CAMK2D: variants seen among roughly 807,000 people sequenced by gnomAD.
CAMK2D encodes calcium/calmodulin-dependent protein kinase type II subunit delta.
A neutral mutation model predicts 84.0 loss-of-function variants in CAMK2D; 37 were observed. That is an observed-to-expected ratio of 0.44 (90% CI 0.34 to 0.58). The LOEUF is 0.58. CAMK2D is among the 20% of genes least tolerant of loss of function. The pLI is 0.02. For missense variants in CAMK2D, 448 were observed against 652.5 expected (o/e 0.69, Z 3.41); for synonymous variants, 202 against 212.5 (o/e 0.95, Z 0.43).
At position 113,609,191 on chromosome 4, in the gene CAMK2D, C is replaced by T; in HGVS notation, c.236G>A (p.Ser79Asn). 6.3e-7 allele frequency: 1 copy of T among 1,581,884 alleles called. No individual in the cohort carries two copies. Among genetic ancestry groups the T allele is most frequent in the African/African-American group, 1.3e-5 (1 of 74,362 alleles). Residue 79 changes from serine to asparagine, a missense_variant, in exon 4 of 21, where the codon AGC becomes AAC. By Grantham distance (46) the Ser-to-Asn change is conservative. Transcript: ENST00000511664. ...GTAGTGAAAGCCCTCTTCTGATATGCTATCATGAAGTCGCACTAGAAAAAA... is the reference window on the plus strand; with the variant it reads ...GTAGTGAAAGCCCTCTTCTGATATGTTATCATGAAGTCGCACTAGAAAAAA... ...KHPNIVRLHD[S>N]ISEEGFHYLV...
intron 16 of CAMK2D, among the ~76,000 whole-genome samples, chr4:113,484,384 T>G (rs941667027): frequency 1.3e-5 from 2 of 152,210 alleles, no homozygotes; most frequent in African/African-American, 4.8e-5. Context: ...TGATCTTCTC[T>G]GAAAGGAGGC....
chr4:113,686,770 A>G (rs1375230869), intron 2 of CAMK2D, among the ~76,000 whole-genome samples: 2 of 152,152 alleles, frequency 1.3e-5, no homozygotes, highest in Non-Finnish European at 2.9e-5. Context: ...TCTCATCCAT[A>G]GTGATTAGTG....
At chr4:113,555,767 C>T (rs1220587932) in intron 4 of CAMK2D, among the ~76,000 whole-genome samples, 1 of 152,064 alleles carries the variant, frequency 6.6e-6, no homozygotes, top group Non-Finnish European at 1.5e-5. Flanking sequence ...GTGCAACTAC[C>T]TGGATATCTG....
chr4:113,635,979 C>T lies in CAMK2D; in HGVS notation c.220+25734G>A, dbSNP rs189373496. On this transcript the variant is annotated intron_variant, in intron 3 of 20. Coordinates refer to ENST00000511664, the MANE Select transcript of CAMK2D (RefSeq NM_001321571.2). ...ACTGGTTATCAAATATTTTAAATAA[C>T]ATTCCTGTTGCATGCTGTCAACTTC... Among the ~76,000 whole-genome samples, 161 of 152,332 alleles carry T rather than the reference C, an allele frequency of 1.1e-3. 2 individuals are homozygous for T. The highest frequency in any genetic ancestry group is 3.5e-3 in the African/African-American group (145 of 41,572).
intron 2 of CAMK2D, among the ~76,000 whole-genome samples, chr4:113,738,523 T>G (rs981453838): frequency 6.6e-6 from 1 of 152,042 alleles, no homozygotes; most frequent in Non-Finnish European, 1.5e-5. Context: ...AATGAGTGAA[T>G]GCAAAAAAAT....
At position 113,505,018 on chromosome 4, in the gene CAMK2D, G is replaced by T; in HGVS notation, c.1002C>A (p.Asn334Lys). 1 of 1,581,192 alleles carries T rather than the reference G, an allele frequency of 6.3e-7. No homozygotes were observed. The change falls in exon 14 of 21, where the codon AAC becomes AAA. Residue 334 changes from asparagine to lysine, a missense_variant. Around this residue, in one of 7 missense-constraint regions of CAMK2D, gnomAD observed 219 missense variants for 272.1 expected, o/e 0.80. Transcript: ENST00000511664. ...TATTTTCTTTGGGGCTGGTTACCACGTTGGCTTTGTTGTTTATCTGTGGGT... is the reference window on the plus strand; with the variant it reads ...TATTTTCTTTGGGGCTGGTTACCACTTTGGCTTTGTTGTTTATCTGTGGGT... ...PDGVKINNKA[N>K]VVTSPKENIP...
At chr4:113,636,063 G>A (rs376976818) in intron 3 of CAMK2D, among the ~76,000 whole-genome samples, 2 of 152,088 alleles carry the variant, frequency 1.3e-5, no homozygotes, top group Non-Finnish European at 2.9e-5. Context: ...ATCCAATGAC[G>A]TCTTTGGCAT....
At chr4:113,492,656 G>C (rs1265716103) in intron 16 of CAMK2D, among the ~76,000 whole-genome samples, 2 of 150,400 alleles carry the variant, frequency 1.3e-5, no homozygotes, top group Non-Finnish European at 3.0e-5. Flanking sequence ...TGTCTATTAG[G>C]TCCACTTGGT....
chr4:113,583,757 T>C (rs1208593209), intron 4 of CAMK2D, among the ~76,000 whole-genome samples: 3 of 152,218 alleles, frequency 2.0e-5, no homozygotes, highest in Admixed American at 6.5e-5. Flanking sequence ...ACTGAAGTTA[T>C]TTAATTCTTT....
Position 113,455,840 on chromosome 4 carries a change from T to C in CAMK2D, c.1536-19A>G. On this transcript the variant is annotated intron_variant, in intron 19 of 20. Transcript: ENST00000511664. ...GGGTGGCCTATTAAGAGAAGCCCCATTTAAGCCACCTGGCATAAAATGAAG... is the reference window on the plus strand; with the variant it reads ...GGGTGGCCTATTAAGAGAAGCCCCACTTAAGCCACCTGGCATAAAATGAAG... 1 of 1,442,024 alleles carries C rather than the reference T, an allele frequency of 6.9e-7. No individual in the cohort carries two copies. The highest frequency in any genetic ancestry group is 9.8e-7 in the Non-Finnish European group (1 of 1,023,720). 89.3% of individuals were successfully genotyped at this position (1,442,024 alleles called of 1,614,324 possible).
intron 4 of CAMK2D, among the ~76,000 whole-genome samples, chr4:113,560,164 T>C (rs953983118): frequency 3.3e-5 from 5 of 152,128 alleles, no homozygotes; most frequent in Non-Finnish European, 7.4e-5. Context: ...ATGGTCCTTC[T>C]TGTTTTGCGG....
intron 6 of CAMK2D, among the ~76,000 whole-genome samples, chr4:113,546,484 A>C (rs2098573678): frequency 6.6e-6 from 1 of 152,228 alleles, no homozygotes; most frequent in African/African-American, 2.4e-5. Flanking sequence ...GATTGCAGAA[A>C]ACTAAGGCAA....
chr4:113,588,144 C>T (rs1273895213), intron 4 of CAMK2D, among the ~76,000 whole-genome samples: 1 of 152,056 alleles, frequency 6.6e-6, no homozygotes, highest in Admixed American at 6.6e-5. Context: ...ATATACGTTG[C>T]ATGTTTCAGT....
At chr4:113,749,307 TGAG>T (rs1045612545) in intron 2 of CAMK2D, among the ~76,000 whole-genome samples, 17 of 137,694 alleles carry the variant, frequency 1.2e-4, no homozygotes, top group African/African-American at 4.2e-4. Flanking sequence ...GAAATTTCCT[TGAG>T]GAGAGAACAC....
intron 13 of CAMK2D, chr4:113,508,307 A>T (rs2098160150): frequency 7.0e-7 from 1 of 1,431,842 alleles, no homozygotes; most frequent in Non-Finnish European, 9.6e-7. Flanking sequence ...AAGAAAAAAA[A>T]ATATGACCGG....
chr4:113,750,797 C>T (rs992535384), intron 2 of CAMK2D, among the ~76,000 whole-genome samples: 1 of 152,124 alleles, frequency 6.6e-6, no homozygotes, highest in Non-Finnish European at 1.5e-5. Context: ...GATTGCCTTA[C>T]ACCCAGAAGT....
intron 4 of CAMK2D, among the ~76,000 whole-genome samples, chr4:113,557,133 T>C (rs1490348715): frequency 6.6e-6 from 1 of 152,134 alleles, no homozygotes; most frequent in East Asian, 1.9e-4. Context: ...CACTACAATG[T>C]CACCAGCCTA....
chr4:113,545,230 C>T (rs1045300243), intron 6 of CAMK2D, among the ~76,000 whole-genome samples: 1 of 152,042 alleles, frequency 6.6e-6, no homozygotes, highest in African/African-American at 2.4e-5. Context: ...TATCGCATTA[C>T]GTTAAACAGC....
intron 16 of CAMK2D, among the ~76,000 whole-genome samples, chr4:113,468,799 C>T (rs867969903): frequency 6.6e-6 from 1 of 152,116 alleles, no homozygotes. Context: ...AATTATACCA[C>T]GATGAATGCA....
Sources: gnomAD v4.1 joint callset for allele counts (sites outside exome capture counted in the v4.1 genomes callset) on GRCh38, gnomAD v4.1.1 for gene constraint, gnomAD v4.1.1 regional missense constraint, MANE v1.5 for transcripts, NCBI Gene and HGNC (gene_info 2026-07-23, HGNC 2026-07-21) for gene names.